Variants in IQSEC2 observed in about 807,000 individuals in gnomAD.
IQSEC2 encodes the protein IQ motif and Sec7 domain ArfGEF 2, also known as IQ motif and SEC7 domain-containing protein 2.
A neutral mutation model predicts 74.6 loss-of-function variants in IQSEC2; 6 were observed. That is an observed-to-expected ratio of 0.08 (90% CI 0.04 to 0.16). The LOEUF (loss-of-function observed/expected upper bound fraction) is 0.16, where lower values mean the gene tolerates loss of function less well. IQSEC2 is among the 10% of genes least tolerant of loss of function. The pLI is 1.00. For synonymous variants in IQSEC2, 494 were observed against 544.5 expected (o/e 0.91, Z 1.29); for missense variants, 734 against 1,306.2 (o/e 0.56, Z 6.75).
chrX:53,236,075 G>A (rs982357909), intron 13 of IQSEC2, among the ~76,000 whole-genome samples: 1 of 111,871 alleles, frequency 8.9e-6, no homozygotes, highest in Admixed American at 9.4e-5. Flanking sequence ...GAGGAGGAGA[G>A]GGGGAGCAGC....
chrX:53,241,651 A>G, intron 10 of IQSEC2, 133 bp downstream of exon 10: 1 of 915,511 alleles, frequency 1.1e-6, no homozygotes, highest in Non-Finnish European at 1.5e-6. Context: ...GCCTGAGACC[A>G]TGCAGATGGC....
downstream of IQSEC2, chrX:53,229,945 G>A (rs1215530145): frequency 8.9e-6 from 1 of 112,048 alleles, no homozygotes; most frequent in African/African-American, 3.3e-5. Context: ...TGAGGCCAGC[G>A]TGACAAATCT....
At chrX:53,280,005 C>G (rs2074925123) in intron 2 of IQSEC2, among the ~76,000 whole-genome samples, 1 of 107,545 alleles carries the variant, frequency 9.3e-6, no homozygotes, top group Non-Finnish European at 1.9e-5. Context: ...GAGGACGGCA[C>G]TCGAACCACA....
intron 14 of IQSEC2, 129 bp downstream of exon 14, chrX:53,235,654 G>T: frequency 1.6e-6 from 1 of 631,881 alleles, no homozygotes; most frequent in Non-Finnish European, 2.6e-6. Flanking sequence ...GAGAGTGGTT[G>T]GCTGGGAGAG....
chrX:53,266,992 G>A, intron 2 of IQSEC2: 1 of 1,154,468 alleles, frequency 8.7e-7, no homozygotes, highest in Admixed American at 2.6e-5. Context: ...TACTGCACTC[G>A]GAGGCCGGAC....
intron 1 of IQSEC2, among the ~76,000 whole-genome samples, chrX:53,319,390 G>T (rs1056131070): frequency 8.9e-6 from 1 of 111,869 alleles, no homozygotes; most frequent in Non-Finnish European, 1.9e-5. Flanking sequence ...AAAAGATACG[G>T]GGGAACTGAT....
At chrX:53,258,959 G>A (rs1237021191) in intron 2 of IQSEC2, among the ~76,000 whole-genome samples, 6 of 111,711 alleles carry the variant, frequency 5.4e-5, no homozygotes, top group Non-Finnish European at 1.1e-4. Context: ...GGGAGGCCAA[G>A]GCAGGTGGAT....
chrX:53,259,881 ATAACT>A (rs782120005), intron 2 of IQSEC2, among the ~76,000 whole-genome samples: 73 of 112,408 alleles, frequency 6.5e-4, no homozygotes, highest in South Asian at 1.5e-3. Flanking sequence ...ACAGCGCCAG[ATAACT>A]CACTCAACAA....
At position 53,250,733 on chromosome X, in the gene IQSEC2, C is replaced by T. The variant is rs1556863218; in HGVS notation, c.1843G>A (p.Val615Ile). 8.3e-7 allele frequency: 1 copy of T among 1,211,384 alleles called. No homozygotes were observed. Among genetic ancestry groups the T allele is most frequent in the Admixed American group, 2.2e-5 (1 of 46,082 alleles). ...GCCTCATACACCAGCTGGCGGTGGA[C>T]AGAGCCGCGATCTGAGCGGTCACTC... is the stretch of plus-strand genomic sequence containing the variant. ...DLSDRSDRGS[V>I]HRQLVYEADG... The change falls in exon 5 of 15, where the codon GTC becomes ATC. Residue 615 changes from valine (V) to isoleucine (I), a missense_variant. This residue lies in a region of IQSEC2 where 204 missense variants were observed against 305.4 expected (regional missense o/e 0.67). Coordinates refer to ENST00000642864, the MANE Select transcript of IQSEC2 (RefSeq NM_001111125.3).
intron 2 of IQSEC2, among the ~76,000 whole-genome samples, chrX:53,288,591 G>C (rs2075058253): frequency 8.9e-6 from 1 of 112,028 alleles, no homozygotes; most frequent in Admixed American, 9.4e-5. Flanking sequence ...TTCTACACTT[G>C]TTCACATTCT....
intron 14 of IQSEC2, among the ~76,000 whole-genome samples, 174 bp from the exon 15 acceptor site, chrX:53,235,358 G>A (rs1467027019): frequency 9.0e-5 from 10 of 111,543 alleles, no homozygotes; most frequent in Non-Finnish European, 1.7e-4. Context: ...TGCAAAGCTC[G>A]GCTGTCACAT....
chrX:53,314,605 C>A (rs1300849279), intron 1 of IQSEC2, among the ~76,000 whole-genome samples: 1 of 111,842 alleles, frequency 8.9e-6, no homozygotes, highest in African/African-American at 3.3e-5. Context: ...GACCTAGAGG[C>A]TAGCAGAAGG....
chrX:53,300,585 G>A (rs1314946674), intron 1 of IQSEC2, among the ~76,000 whole-genome samples: 2 of 111,588 alleles, frequency 1.8e-5, no homozygotes, highest in East Asian at 5.6e-4. Flanking sequence ...CTGGCTTCCA[G>A]GCGTATGGAG....
Position 53,251,138 on chromosome X carries a change from T to G in IQSEC2, c.1438A>C (p.Asn480His). ...GACATGGGCCCTGACGGGTGGCAGTTCAGGGCTTCGTCGATGGATTCAGCC... is the reference window on the plus strand; with the variant it reads ...GACATGGGCCCTGACGGGTGGCAGTGCAGGGCTTCGTCGATGGATTCAGCC... ...SLAESIDEAL[N>H]CHPSGPMSEE... Residue 480 changes from asparagine (N) to histidine (H), a missense_variant, in exon 5 of 15, where the codon AAC becomes CAC. Coordinates refer to ENST00000642864, the MANE Select transcript of IQSEC2 (RefSeq NM_001111125.3). The G allele has an allele frequency of 1.7e-6, 2 of 1,211,599 alleles. No individual in the cohort carries two copies. The highest frequency in any genetic ancestry group is 2.2e-6 in the Non-Finnish European group (2 of 895,519).
At chrX:53,318,155 G>A (rs1182271861) in intron 1 of IQSEC2, among the ~76,000 whole-genome samples, 2 of 111,938 alleles carry the variant, frequency 1.8e-5, no homozygotes, top group East Asian at 5.6e-4. Context: ...CCTTGAGTGA[G>A]GTCCCTTCAT....
Position 53,297,031 on chromosome X carries a change from C to T in IQSEC2, c.708-5107G>A, listed in dbSNP as rs1252646446. ...TTTTTTTTTTTTTGAGATAAGGTCT[C>T]GCTCTGTCACCCAGGATGGAGTGCG... On this transcript the variant is annotated intron_variant, in intron 1 of 14. Transcript: ENST00000642864. 6.4e-5 allele frequency among the ~76,000 whole-genome samples: 7 copies of T among 108,922 alleles called. No homozygotes were observed. In the South Asian group the frequency reaches 1.6e-3, roughly 25 times the overall value. The allele number at this position is 108,922 out of a possible 115,157, so 94.6% of individuals were successfully genotyped here.
At chrX:53,319,531 T>C (rs2075408704) in intron 1 of IQSEC2, among the ~76,000 whole-genome samples, 1 of 111,475 alleles carries the variant, frequency 9.0e-6, no homozygotes, top group South Asian at 3.8e-4. Flanking sequence ...TAAGGGAGCC[T>C]TTAGGGCAGC....
chrX:53,246,827 C>T lies in IQSEC2; in HGVS notation c.2749+142G>A. The T allele has an allele frequency of 7.0e-6, 4 of 567,473 alleles. No individual in the cohort carries two copies. The Admixed American group carries it at 1.1e-4, about 15-fold the overall frequency. 46.8% of individuals were successfully genotyped at this position (567,473 alleles called of 1,213,427 possible). On this transcript the variant is annotated intron_variant, in intron 8 of 14. Transcript: ENST00000642864. ...TTTGAGTGAATTAATAAGTGAATAT[C>T]CTGGGAACATCCAGCTAGGGCAGAA...
At chrX:53,314,909 T>A (rs996844892) in intron 1 of IQSEC2, among the ~76,000 whole-genome samples, 5 of 110,955 alleles carry the variant, frequency 4.5e-5, no homozygotes, top group Non-Finnish European at 9.4e-5. Context: ...AGAGCAGGGG[T>A]CCTGGGAGCT....
Sources: gnomAD v4.1 joint callset for allele counts (sites outside exome capture counted in the v4.1 genomes callset) on GRCh38, gnomAD v4.1.1 for gene constraint, gnomAD v4.1.1 regional missense constraint, MANE v1.5 for transcripts, NCBI Gene and HGNC (gene_info 2026-07-23, HGNC 2026-07-21) for gene names.